The following KSR1 variants were observed in gnomAD, a reference collection of about 807,000 sequenced individuals.
KSR1 encodes the protein kinase suppressor of ras.
In KSR1, 35 loss-of-function variants were observed where a neutral mutation model predicts 92.9. That is an observed-to-expected ratio of 0.38 (90% confidence interval 0.29 to 0.50). The LOEUF (loss-of-function observed/expected upper bound fraction) is 0.50, where lower values mean the gene tolerates loss of function less well. Ranked by LOEUF, KSR1 falls within the 20% of genes least tolerant of loss-of-function variation. KSR1 has a pLI of 0.94. For missense variants in KSR1, 972 were observed against 1,158.5 expected (o/e 0.84, Z 2.34); for synonymous variants, 467 against 472.6 (o/e 0.99, Z 0.15).
In KSR1 at chr17:27,506,487, T is replaced by A. The variant is rs192465213; in HGVS notation, c.232-44081T>A. ...ACTGCCTGATACTCGATTATGTGGA[T>A]GTAGTTGGATTTGTCCAACCTGTGT... On this transcript the variant is annotated intron_variant, in intron 1 of 20. Transcript: ENST00000644974. Among the ~76,000 whole-genome samples the A allele has an allele frequency of 1.5e-3, 228 of 152,340 alleles. 2 individuals carry two copies. The highest frequency in any genetic ancestry group is 4.9e-3 in the African/African-American group (205 of 41,578).
At chr17:27,530,675 G>A (rs144168100) in intron 1 of KSR1, among the ~76,000 whole-genome samples, 8 of 152,280 alleles carry the variant, frequency 5.3e-5, no homozygotes, top group South Asian at 4.1e-4. Flanking sequence ...AAATCAGTAC[G>A]CAGTAATTAG....
At chr17:27,547,848 G>A (rs2071236889) in intron 1 of KSR1, among the ~76,000 whole-genome samples, 1 of 152,130 alleles carries the variant, frequency 6.6e-6, no homozygotes, top group African/African-American at 2.4e-5. Flanking sequence ...GAGTAGCTGG[G>A]ATTACCGGCG....
intron 1 of KSR1, among the ~76,000 whole-genome samples, chr17:27,537,144 T>G (rs1197226402): frequency 2.0e-5 from 3 of 152,166 alleles, no homozygotes; most frequent in African/African-American, 7.2e-5. Flanking sequence ...GGAAACTGAG[T>G]CATCATGTAT....
In KSR1 at chr17:27,607,941, G is replaced by A. The variant is rs577724115; in HGVS notation, c.2022G>A (p.Ser674=). The change falls in exon 15 of 21, where the codon TCG becomes TCA. Residue 674 remains serine (S), a synonymous_variant. Coordinates refer to ENST00000644974, the MANE Select transcript of KSR1 (RefSeq NM_001394583.1). The stretch of plus-strand genomic sequence containing the variant: ...TCTGCAAGGGGCGGACGTTGCACTC[G>A]TTTGTGAGGGACCCCAAGACGTCTC... ...TSFCKGRTLH[S]FVRDPKTSLD... The A allele has an allele frequency of 1.8e-5, 29 of 1,610,050 alleles. No homozygotes were observed. Among genetic ancestry groups the A allele is most frequent in the Admixed American group, 8.4e-5 (5 of 59,534 alleles).
intron 7 of KSR1, 102 bp downstream of exon 7, chr17:27,590,996 C>G: frequency 1.0e-6 from 1 of 988,388 alleles, no homozygotes; most frequent in Non-Finnish European, 1.5e-6. Context: ...TTCAGCACAC[C>G]AGGGAGTGAT....
intron 1 of KSR1, chr17:27,526,857 T>TGCAGGAA: frequency 1.4e-6 from 1 of 693,840 alleles, no homozygotes; most frequent in Non-Finnish European, 2.6e-6. Context: ...AGGAGTGCTC[T>TGCAGGAA]GCAGGAAGTA....
chr17:27,524,882 C>G (rs1393022689), intron 1 of KSR1, among the ~76,000 whole-genome samples: 1 of 152,046 alleles, frequency 6.6e-6, no homozygotes, highest in African/African-American at 2.4e-5. Context: ...GGAGTTCAAG[C>G]AGGGTTATAT....
At chr17:27,620,531 T>C (rs2074194946) in intron 19 of KSR1, among the ~76,000 whole-genome samples, 1 of 152,190 alleles carries the variant, frequency 6.6e-6, no homozygotes, top group Non-Finnish European at 1.5e-5. Flanking sequence ...GGTGATACCA[T>C]GCCAAGTGCT....
intron 1 of KSR1, among the ~76,000 whole-genome samples, chr17:27,501,821 A>G (rs1242693210): frequency 2.6e-5 from 4 of 152,248 alleles, no homozygotes; most frequent in Admixed American, 6.5e-5. Flanking sequence ...CATCACAATG[A>G]TTGCTGTTCC....
chr17:27,470,747 T>C (rs914737086), intron 1 of KSR1, among the ~76,000 whole-genome samples: 6 of 152,232 alleles, frequency 3.9e-5, no homozygotes, highest in Admixed American at 6.5e-5. Context: ...TCATATTTTT[T>C]ACAATTCTTT....
In KSR1 at chr17:27,577,049, T is replaced by G. The variant is rs886712394; in HGVS notation, c.373-443T>G. On this transcript the variant is annotated intron_variant, in intron 2 of 20. Transcript: ENST00000644974. This position sits in a 1 kb window ranked among gnomAD's most constrained non-coding sequence, Gnocchi z 4.5. The stretch of plus-strand genomic sequence containing the variant: ...TGCAGTGTTTGGTGAGGTTTTTTTG[T>G]TTTTTTTTTTTAAATCCTTCCTTTC... Among the ~76,000 whole-genome samples the G allele has an allele frequency of 7.9e-5, 2 of 25,324 alleles. No individual in the cohort carries two copies. Among genetic ancestry groups the G allele is most frequent in the Admixed American group, 3.3e-4 (1 of 3,012 alleles). The allele number at this position is 25,324 out of a possible 152,430, so 16.6% of individuals were successfully genotyped here.
intron 1 of KSR1, among the ~76,000 whole-genome samples, chr17:27,528,170 A>T (rs2945381): frequency 1.3e-5 from 2 of 151,908 alleles, no homozygotes; most frequent in Admixed American, 6.6e-5. Flanking sequence ...GGGTTCAAGC[A>T]ATTCTTGTTC....
intron 19 of KSR1, among the ~76,000 whole-genome samples, chr17:27,619,662 G>T (rs188389702): frequency 6.6e-6 from 1 of 151,894 alleles, no homozygotes; most frequent in African/African-American, 2.4e-5. Context: ...CTCCCAAAGT[G>T]CTGGGATTAC....
At position 27,577,653 on chromosome 17, in the gene KSR1, G is replaced by A; in HGVS notation, c.520+14G>A. On this transcript the variant is annotated intron_variant, in intron 3 of 20. Transcript: ENST00000644974. This position sits in a 1 kb window ranked among gnomAD's most constrained non-coding sequence, Gnocchi z 4.5. ...TGACAGGCCTGGGTACGTGGGGCCT[G>A]CCACCCTCTCCCTTGCCTGGCCTGG... The A allele has an allele frequency of 6.5e-7, 1 of 1,535,776 alleles. No individual in the cohort carries two copies. The highest frequency in any genetic ancestry group is 8.8e-7 in the Non-Finnish European group (1 of 1,142,350).
At chr17:27,538,450 A>G (rs1040816845) in intron 1 of KSR1, among the ~76,000 whole-genome samples, 3 of 152,236 alleles carry the variant, frequency 2.0e-5, no homozygotes, top group Admixed American at 1.3e-4. Context: ...CAGGTCCCCT[A>G]GCAAGCAAGT....
intron 1 of KSR1, among the ~76,000 whole-genome samples, chr17:27,491,226 G>A (rs538976332): frequency 6.6e-6 from 1 of 152,050 alleles, no homozygotes; most frequent in African/African-American, 2.4e-5. Context: ...CTGGGCTCAA[G>A]TGATCCTCTG....
rs986066767 is a variant in KSR1 at position 27,601,974 on chromosome 17, G to A, written c.1510+573G>A. On this transcript the variant is annotated intron_variant, in intron 11 of 20. Transcript: ENST00000644974. Reference sequence around the variant, plus strand: ...AACGCTTTCAGTAAGTCAATACATTGAGTCCCTTCTGCAAAAGTTGTTTTC... The same window carrying A: ...AACGCTTTCAGTAAGTCAATACATTAAGTCCCTTCTGCAAAAGTTGTTTTC... The A allele has an allele frequency of 5.7e-6, 9 of 1,580,108 alleles. No homozygotes were observed. In the Admixed American group the frequency reaches 8.9e-5, roughly 16 times the overall value.
chr17:27,560,287 C>A, intron 2 of KSR1: 1 of 387,416 alleles, frequency 2.6e-6, no homozygotes, highest in Non-Finnish European at 5.1e-6. Flanking sequence ...TTTTCTTTAG[C>A]AATTTCCCGG....
chr17:27,512,933 C>T (rs1262322307), intron 1 of KSR1, among the ~76,000 whole-genome samples: 1 of 152,126 alleles, frequency 6.6e-6, no homozygotes, highest in African/African-American at 2.4e-5. Context: ...TGCCAGCGCC[C>T]CCGGAGGCTC....
Sources: allele counts gnomAD v4.1 joint callset (sites outside exome capture counted in the v4.1 genomes callset), GRCh38; gene constraint gnomAD v4.1.1; non-coding constraint Gnocchi (gnomAD v3.1); transcripts MANE v1.5; gene names NCBI Gene and HGNC (gene_info 2026-07-23, HGNC 2026-07-21).